IRF8: variants seen among roughly 807,000 people sequenced by gnomAD.
IRF8 encodes interferon regulatory factor 8.
In IRF8, 14 loss-of-function variants were observed where a neutral mutation model predicts 48.7. That is an observed-to-expected ratio of 0.29 (90% CI 0.19 to 0.45). The LOEUF (loss-of-function observed/expected upper bound fraction) is 0.45, where lower values mean the gene tolerates loss of function less well. IRF8 is among the 20% of genes least tolerant of loss of function. The probability of loss-of-function intolerance (pLI) is 1.00; values close to 1 mark genes in which losing one functional copy is unlikely to be tolerated. For synonymous variants in IRF8, 278 were observed against 227.3 expected (o/e 1.22, Z -2.01); for missense variants, 493 against 580.7 (o/e 0.85, Z 1.55).
intron 6 of IRF8, among the ~76,000 whole-genome samples, chr16:85,917,815 C>T (rs906380542): frequency 2.0e-5 from 3 of 152,170 alleles, no homozygotes; most frequent in African/African-American, 7.2e-5. Context: ...TCTGTGTGTG[C>T]CACTTTTGGG....
At chr16:85,904,924 T>C (rs1449779413) in intron 2 of IRF8, among the ~76,000 whole-genome samples, 1 of 151,054 alleles carries the variant, frequency 6.6e-6, no homozygotes, top group Non-Finnish European at 1.5e-5. Context: ...CTCTGCATTA[T>C]AGATAACCCC....
intron 2 of IRF8, among the ~76,000 whole-genome samples, chr16:85,905,647 C>T (rs1032409141): frequency 1.3e-5 from 2 of 152,170 alleles, no homozygotes; most frequent in African/African-American, 4.8e-5. Flanking sequence ...TGCTTCTTCC[C>T]ATCCATCCTC....
chr16:85,911,622 G>A lies in IRF8; in HGVS notation c.411G>A (p.Glu137=), dbSNP rs773694139. Residue 137 remains glutamate, a synonymous_variant, in exon 4 of 9, where the codon GAG becomes GAA. Coordinates refer to ENST00000268638, the MANE Select transcript of IRF8 (RefSeq NM_002163.4). ...AGCVNEVTEM[E]CGRSEIDELI... is the part of the protein sequence containing the mutation. Reference sequence around the variant, plus strand: ...GCGTGAATGAAGTTACAGAGATGGAGTGCGGTCGCTCTGAAATCGACGAGC... The same window carrying A: ...GCGTGAATGAAGTTACAGAGATGGAATGCGGTCGCTCTGAAATCGACGAGC... The A allele has an allele frequency of 1.2e-6, 2 of 1,614,160 alleles. No individual in the cohort carries two copies. The highest frequency in any genetic ancestry group is 1.7e-6 in the Non-Finnish European group (2 of 1,179,994).
intron 6 of IRF8, among the ~76,000 whole-genome samples, chr16:85,918,166 G>T (rs1209047865): frequency 6.6e-6 from 1 of 152,194 alleles, no homozygotes; most frequent in African/African-American, 2.4e-5. Context: ...TAAAGAGTCA[G>T]TGAAGAAGTA....
intron 2 of IRF8, among the ~76,000 whole-genome samples, chr16:85,908,706 C>A (rs1271904075): frequency 6.6e-6 from 1 of 152,210 alleles, no homozygotes; most frequent in Admixed American, 6.5e-5. Context: ...CTAAAAGGTG[C>A]ACTCCAGGGT....
intron 7 of IRF8, among the ~76,000 whole-genome samples, chr16:85,919,711 G>A (rs757990817): frequency 3.3e-5 from 5 of 152,176 alleles, no homozygotes; most frequent in South Asian, 2.1e-4. Context: ...CCGGTCCACC[G>A]GCCCACTTTG....
intron 2 of IRF8, among the ~76,000 whole-genome samples, chr16:85,908,046 C>T (rs1256174867): frequency 6.6e-6 from 1 of 152,078 alleles, no homozygotes; most frequent in Non-Finnish European, 1.5e-5. Flanking sequence ...GTGGGTACAG[C>T]TGGCATTTAA....
At chr16:85,919,503 AG>A (rs1235601569) in intron 7 of IRF8, among the ~76,000 whole-genome samples, 1 of 152,170 alleles carries the variant, frequency 6.6e-6, no homozygotes, top group African/African-American at 2.4e-5. Flanking sequence ...GTGTGAGCTC[AG>A]GGGCATAAGC....
chr16:85,919,989 A>G (rs1251664268), intron 7 of IRF8, 120 bp from the exon 8 acceptor site: 5 of 772,962 alleles, frequency 6.5e-6, no homozygotes, highest in African/African-American at 3.4e-5. Context: ...TTGAGATCCC[A>G]TGGTGCCCTG....
intron 7 of IRF8, 47 bp from the exon 8 acceptor site, chr16:85,920,062 G>T (rs199800388): frequency 1.4e-6 from 2 of 1,385,330 alleles, no homozygotes; most frequent in South Asian, 2.4e-5. Context: ...GGAGTTGGAG[G>T]TCATCTCGGC....
intron 3 of IRF8, chr16:85,909,936 C>G (rs1256011641): frequency 6.6e-6 from 1 of 152,264 alleles, no homozygotes; most frequent in Non-Finnish European, 1.5e-5. Flanking sequence ...CTTGATGAGG[C>G]TTTTAGAATA....
At chr16:85,915,236 C>A (rs538197558) in intron 6 of IRF8, among the ~76,000 whole-genome samples, 1 of 152,388 alleles carries the variant, frequency 6.6e-6, no homozygotes, top group African/African-American at 2.4e-5. Flanking sequence ...GGAAGTGACG[C>A]TCAGGCGTGG....
At chr16:85,904,151 A>C (rs774001143) in intron 2 of IRF8, among the ~76,000 whole-genome samples, 4 of 152,218 alleles carry the variant, frequency 2.6e-5, no homozygotes, top group Non-Finnish European at 5.9e-5. Context: ...GTCAAGCTAG[A>C]CTTCCACGTT....
At chr16:85,912,744 G>A (rs905497668) in intron 4 of IRF8, among the ~76,000 whole-genome samples, 3 of 152,258 alleles carry the variant, frequency 2.0e-5, no homozygotes, top group African/African-American at 4.8e-5. Context: ...GGCTCGTTGA[G>A]CGAGATTCTT....
chr16:85,913,175 C>T lies in IRF8; in HGVS notation c.492C>T (p.Ser164=). The T allele has an allele frequency of 6.2e-7, 1 of 1,614,182 alleles. No homozygotes were observed. Among genetic ancestry groups the T allele is most frequent in the African/African-American group, 1.3e-5 (1 of 75,058 alleles). Residue 164 remains serine, a synonymous_variant, in exon 5 of 9, where the codon TCC becomes TCT. Transcript: ENST00000268638. ...DYMGMIKRSP[S]PPEACRSQLL... Reference sequence around the variant, plus strand: ...TGGGGATGATCAAAAGGAGCCCTTCCCCGCCGGAGGCCTGTCGGAGTCAGC... The same window carrying T: ...TGGGGATGATCAAAAGGAGCCCTTCTCCGCCGGAGGCCTGTCGGAGTCAGC...
chr16:85,915,460 A>G (rs1263132304), intron 6 of IRF8, among the ~76,000 whole-genome samples: 1 of 152,140 alleles, frequency 6.6e-6, no homozygotes, highest in African/African-American at 2.4e-5. Context: ...CCAGGCAGGA[A>G]AACTGTCGAG....
In IRF8 at chr16:85,921,486, C is replaced by G. The variant is rs1905569212; in HGVS notation, c.*204C>G. On this transcript the variant is annotated 3_prime_UTR_variant, in exon 9 of 9. Transcript: ENST00000268638. ...GCCCTGCCGAGATGTCGGTGATGGC[C>G]TGGATGCTGTAACCACAACCTGTGG... The G allele has an allele frequency of 1.3e-5, 8 of 620,610 alleles. No individual in the cohort carries two copies. The highest frequency in any genetic ancestry group is 2.3e-5 in the Non-Finnish European group (8 of 349,126). 38.4% of individuals were successfully genotyped at this position (620,610 alleles called of 1,614,324 possible). A position where few individuals can be genotyped will look rare whatever the true frequency, so the allele number is the denominator to read the frequency against.
At chr16:85,904,506 G>A (rs974048746) in intron 2 of IRF8, among the ~76,000 whole-genome samples, 8 of 152,220 alleles carry the variant, frequency 5.3e-5, no homozygotes, top group Non-Finnish European at 8.8e-5. Context: ...GGTCCTGCAC[G>A]TCTCTGCCTG....
intron 2 of IRF8, 32 bp downstream of exon 2, chr16:85,903,221 GCA>G (rs778588538): frequency 6.4e-7 from 1 of 1,569,612 alleles, no homozygotes; most frequent in South Asian, 1.1e-5. Flanking sequence ...CCCACTGTGG[GCA>G]CAGTGTCTCC....
Sources: allele counts gnomAD v4.1 joint callset (sites outside exome capture counted in the v4.1 genomes callset), GRCh38; gene constraint gnomAD v4.1.1; transcripts MANE v1.5; gene names NCBI Gene and HGNC (gene_info 2026-07-23, HGNC 2026-07-21).